NAV1: variants seen among roughly 807,000 people sequenced by gnomAD.
NAV1 encodes the protein pore membrane and/or filament interacting like protein 3.
In NAV1, 18 loss-of-function variants were observed where a neutral mutation model predicts 175.2. That is an observed-to-expected ratio of 0.10 (90% CI 0.07 to 0.15). The LOEUF is 0.15. NAV1 is among the 10% of genes least tolerant of loss of function. NAV1 has a pLI of 1.00. For missense variants in NAV1, 1,731 were observed against 2,436.6 expected (o/e 0.71, Z 6.10); for synonymous variants, 897 against 978.7 (o/e 0.92, Z 1.56).
At chr1:201,604,409 C>T (rs569501529) in intron 2 of NAV1, among the ~76,000 whole-genome samples, 7 of 152,100 alleles carry the variant, frequency 4.6e-5, no homozygotes, top group African/African-American at 1.2e-4. Context: ...GGGTGTACAA[C>T]GGCTCACGCC....
upstream of NAV1, among the ~76,000 whole-genome samples, chr1:201,644,618 T>C (rs1219628085): frequency 3.3e-5 from 5 of 152,102 alleles, no homozygotes; most frequent in African/African-American, 9.7e-5. Context: ...AATTAACCCA[T>C]GAGATGTGCA....
At chr1:201,712,751 C>T (rs765367601) in intron 1 of NAV1, 66 bp from the exon 6 acceptor site, 1 of 1,133,760 alleles carries the variant, frequency 8.8e-7, no homozygotes, top group Non-Finnish European at 1.3e-6. Flanking sequence ...TCTCCACTTC[C>T]TGACCCCCAG....
chr1:201,811,560 T>G (rs762013886), intron 24 of NAV1, 43 bp from the exon 29 acceptor site: 2 of 1,612,692 alleles, frequency 1.2e-6, no homozygotes, highest in South Asian at 2.2e-5. Flanking sequence ...CCGATCCAGC[T>G]GCTTATTCCC....
chr1:201,639,357 CA>C (rs1668687086), intron 2 of NAV1, among the ~76,000 whole-genome samples: 4 of 152,274 alleles, frequency 2.6e-5, no homozygotes, highest in African/African-American at 7.2e-5. Context: ...TGCAGGACAT[CA>C]TGGAGTTCTG....
At chr1:201,791,870 CAT>C (rs772174190) in intron 13 of NAV1, 1 of 152,178 alleles carries the variant, frequency 6.6e-6, no homozygotes, top group Non-Finnish European at 1.5e-5. Flanking sequence ...AGAATTGTAA[CAT>C]AAACAAGAAC....
chr1:201,769,764 A>C lies in NAV1; in HGVS notation c.1227-10657A>C, dbSNP rs140802871. 5.8e-3 allele frequency among the ~76,000 whole-genome samples: 880 copies of C among 152,216 alleles called. 10 individuals are homozygous for C. Among genetic ancestry groups the C allele is most frequent in the Middle Eastern group, 0.017 (5 of 294 alleles). On this transcript the variant is annotated intron_variant, in intron 3 of 29. Transcript: ENST00000367296. ...AAAATAATTATAAGAGAAGAAAAAGAAAAAAAAGAAAACTCTCAGCTGTTA... is the reference window on the plus strand; with the variant it reads ...AAAATAATTATAAGAGAAGAAAAAGCAAAAAAAGAAAACTCTCAGCTGTTA...
intron 3 of NAV1, among the ~76,000 whole-genome samples, chr1:201,765,000 G>A (rs947188263): frequency 1.3e-5 from 2 of 152,226 alleles, no homozygotes; most frequent in African/African-American, 4.8e-5. Flanking sequence ...TATCAGAAAG[G>A]AGAGTGAGCT....
rs528054422 is a variant in NAV1 at position 201,731,492 on chromosome 1, C to G, written c.1226+12737C>G. Reference sequence around the variant, plus strand: ...CGAGTATATTCTCACCAGCCTACCCCCCTTCTCCTTTGGCCAGCTCCTACT... The same window carrying G: ...CGAGTATATTCTCACCAGCCTACCCGCCTTCTCCTTTGGCCAGCTCCTACT... On this transcript the variant is annotated intron_variant, in intron 3 of 29. Coordinates refer to ENST00000367296, the Ensembl canonical transcript of NAV1. 9.9e-5 allele frequency among the ~76,000 whole-genome samples: 15 copies of G among 152,216 alleles called. No individual in the cohort carries two copies. The East Asian group carries it at 1.9e-3, about 20-fold the overall frequency.
At chr1:201,725,596 C>T (rs957857179) in intron 3 of NAV1, among the ~76,000 whole-genome samples, 11 of 148,480 alleles carry the variant, frequency 7.4e-5, no homozygotes, top group African/African-American at 2.5e-4. Flanking sequence ...CTACAGTGAG[C>T]TATGATTGTG....
intron 2 of NAV1, among the ~76,000 whole-genome samples, chr1:201,589,589 T>C (rs1015890605): frequency 6.6e-6 from 1 of 152,170 alleles, no homozygotes; most frequent in Non-Finnish European, 1.5e-5. Context: ...CCTCCTGAAC[T>C]TGATTGATCC....
At chr1:201,789,876 C>G (rs1041104922) in intron 11 of NAV1, 84 bp downstream of exon 15, 71 of 1,346,802 alleles carry the variant, frequency 5.3e-5, no homozygotes, top group Non-Finnish European at 7.2e-5. Flanking sequence ...AGTTGGGTAA[C>G]TGGGCGGGGG....
At chr1:201,809,840 G>T (rs1017397681) in intron 22 of NAV1, 106 bp from the exon 27 acceptor site, 16 of 1,123,886 alleles carry the variant, frequency 1.4e-5, no homozygotes, top group Non-Finnish European at 1.9e-5. Context: ...CATATGCTCT[G>T]CACTTTCTCC....
chr1:201,756,747 T>C (rs1674483414), intron 3 of NAV1, among the ~76,000 whole-genome samples: 1 of 152,248 alleles, frequency 6.6e-6, no homozygotes, highest in Non-Finnish European at 1.5e-5. Flanking sequence ...TTTTTTATAG[T>C]TCCTTCTCCA....
At chr1:201,556,424 GAA>G (rs71564152) in intron 1 of NAV1, among the ~76,000 whole-genome samples, 17 of 134,400 alleles carry the variant, frequency 1.3e-4, no homozygotes, top group Non-Finnish European at 1.6e-4. Context: ...TCTCAAAAAA[GAA>G]AAAAAAAAAA....
At chr1:201,797,633 T>G (rs1377560400) in intron 15 of NAV1, 2 of 152,234 alleles carry the variant, frequency 1.3e-5, no homozygotes, top group African/African-American at 4.8e-5. Flanking sequence ...TTCCAATCCA[T>G]GAACAGGCAT....
At chr1:201,739,787 G>A in intron 3 of NAV1, 1 of 1,220,934 alleles carries the variant, frequency 8.2e-7, no homozygotes, top group Non-Finnish European at 1.0e-6. Context: ...GCCGGGGCTC[G>A]GGACAGAAGT....
chr1:201,793,909 T>TGTGGGGGGGGGGGGGGGCC, intron 14 of NAV1, 34 bp downstream of exon 18: 1 of 516,470 alleles, frequency 1.9e-6, no homozygotes, highest in East Asian at 5.7e-5. Context: ...GAGGGGTGGG[T>TGTGGGGGGGGGGGGGGGCC]GCGGCGAGGG....
exon 7 of NAV1, chr1:201,783,638 A>G (rs140909722): frequency 1.9e-6 from 3 of 1,614,066 alleles, no homozygotes; most frequent in Non-Finnish European, 2.5e-6. Flanking sequence ...GGAGCTAATG[A>G]GTGGTTTCAG....
chr1:201,576,245 T>C lies in NAV1; in HGVS notation c.-143-12294T>C, dbSNP rs144005071. ...CTTTTGCCATTTCAAGAATGTTATATGAATGGAATCATAGAGCATATTCCT... is the reference window on the plus strand; with the variant it reads ...CTTTTGCCATTTCAAGAATGTTATACGAATGGAATCATAGAGCATATTCCT... On this transcript the variant is annotated intron_variant, in intron 1 of 33. Coordinates refer to the NAV1 transcript ENST00000685211. Among the ~76,000 whole-genome samples, 24 of 152,380 alleles carry C rather than the reference T, an allele frequency of 1.6e-4. No individual in the cohort carries two copies. In the East Asian group the frequency reaches 4.6e-3, roughly 29 times the overall value.
Sources: allele counts gnomAD v4.1 joint callset (sites outside exome capture counted in the v4.1 genomes callset), GRCh38; gene constraint gnomAD v4.1.1; transcripts MANE v1.5; gene names NCBI Gene and HGNC (gene_info 2026-07-23, HGNC 2026-07-21).